Variants in CCND3 observed in about 807,000 individuals in gnomAD.
CCND3 encodes G1/S-specific cyclin-D3.
Under a neutral mutation model 28.7 loss-of-function variants are expected in CCND3, and 9 were observed. That is an observed-to-expected ratio of 0.31 (90% confidence interval 0.19 to 0.55). The LOEUF is 0.55. Among genes scored for constraint, CCND3 ranks in the 20% least tolerant of loss-of-function variants. The pLI is 0.93. For missense variants in CCND3, 315 were observed against 385.8 expected (o/e 0.82, Z 1.54); for synonymous variants, 164 against 163.9 (o/e 1.00, Z 0.00).
chr6:41,990,396 ACTAT>A (rs891704805), intron 1 of CCND3, among the ~76,000 whole-genome samples: 10 of 152,162 alleles, frequency 6.6e-5, no homozygotes, highest in African/African-American at 2.4e-4. Context: ...GATTCACTGT[ACTAT>A]CTATCAACAT....
At chr6:41,971,057 A>G (rs1762021515) in intron 1 of CCND3, among the ~76,000 whole-genome samples, 1 of 151,994 alleles carries the variant, frequency 6.6e-6, no homozygotes, top group Admixed American at 6.6e-5. Context: ...AGCTGGGATT[A>G]CAGGTGCATG....
At chr6:41,978,947 G>A (rs1052320657) in intron 1 of CCND3, among the ~76,000 whole-genome samples, 2 of 151,944 alleles carry the variant, frequency 1.3e-5, no homozygotes, top group Admixed American at 6.6e-5. Flanking sequence ...GGAGGTAGGC[G>A]GATTACCTGA....
Position 42,048,759 on chromosome 6 carries a change from G to C in CCND3, c.-304C>G, listed in dbSNP as rs2127444146. 2.1e-6 allele frequency: 1 copy of C among 473,202 alleles called. No homozygotes were observed. The highest frequency in any genetic ancestry group is 2.0e-5 in the African/African-American group (1 of 50,722). The allele number at this position is 473,202 out of a possible 1,614,324, so 29.3% of individuals were successfully genotyped here. The stretch of plus-strand genomic sequence containing the variant: ...GGGAAGAGGGGGCGGAGGAGACAAA[G>C]GGGCTGGTGCTCTGCTCAGCCAAGT... On this transcript the variant is annotated 5_prime_UTR_variant, in exon 1 of 5. Coordinates refer to the CCND3 transcript ENST00000372988. This position sits in a 1 kb window ranked among gnomAD's most constrained non-coding sequence, Gnocchi z 4.7.
At chr6:42,021,185 T>C (rs1167204197) in intron 1 of CCND3, among the ~76,000 whole-genome samples, 2 of 152,256 alleles carry the variant, frequency 1.3e-5, no homozygotes, top group Non-Finnish European at 2.9e-5. Context: ...TATTAGTCAT[T>C]GTGGTTAATC....
At chr6:42,033,106 T>A (rs557637371) in intron 1 of CCND3, among the ~76,000 whole-genome samples, 35 of 152,148 alleles carry the variant, frequency 2.3e-4, no homozygotes, top group Non-Finnish European at 4.7e-4. Context: ...TTTTAAAACA[T>A]CAAAAGTATA....
intron 1 of CCND3, among the ~76,000 whole-genome samples, chr6:41,982,969 A>G (rs1471425128): frequency 6.6e-6 from 1 of 152,186 alleles, no homozygotes; most frequent in Non-Finnish European, 1.5e-5. Flanking sequence ...ACCTAAATGT[A>G]AAATACAAAA....
At chr6:42,005,051 G>A (rs559992507) in intron 1 of CCND3, among the ~76,000 whole-genome samples, 86 of 152,246 alleles carry the variant, frequency 5.6e-4, no homozygotes, top group Non-Finnish European at 1.0e-3. Flanking sequence ...CTCAGTCAGC[G>A]AGGTTAGTAA....
At chr6:41,972,865 A>T (rs1196057704) in intron 1 of CCND3, among the ~76,000 whole-genome samples, 1 of 102,474 alleles carries the variant, frequency 9.8e-6, no homozygotes, top group Non-Finnish European at 1.7e-5. Context: ...AAAAATTTAC[A>T]TATATATATA....
intron 1 of CCND3, among the ~76,000 whole-genome samples, chr6:41,974,843 A>G (rs1294964105): frequency 7.7e-6 from 1 of 129,456 alleles, no homozygotes; most frequent in East Asian, 2.3e-4. Context: ...CCCAGGCTGG[A>G]GTACAATGGC....
chr6:42,037,624 T>C (rs1303625220), intron 1 of CCND3, among the ~76,000 whole-genome samples: 2 of 152,162 alleles, frequency 1.3e-5, no homozygotes, highest in Non-Finnish European at 2.9e-5. Flanking sequence ...TCATATCAAA[T>C]TTTTTATCAG....
Position 41,936,007 on chromosome 6 carries a change from C to G in CCND3, c.812G>C (p.Arg271Pro). The change falls in exon 5 of 5, where the codon CGG (arginine) becomes CCG (proline). Residue 271 changes from arginine to proline, a missense_variant. Transcript: ENST00000372991. The surrounding 1 kb of genome is among the most constrained non-coding windows in gnomAD (Gnocchi z 4.4). Reference sequence around the variant, plus strand: ...GCTGGGCCCTTGGCTGCTGGAGCCCCGGGGGGCTTTGGGCGCTGGGCTGGA... The same window carrying G: ...GCTGGGCCCTTGGCTGCTGGAGCCCGGGGGGGCTTTGGGCGCTGGGCTGGA... ...TSSSPAPKAP[R>P]GSSSQGPSQT... is the part of the protein sequence containing the mutation. 4 of 1,613,110 alleles carry G rather than the reference C, an allele frequency of 2.5e-6. No homozygotes were observed. Among genetic ancestry groups the G allele is most frequent in the South Asian group, 1.1e-5 (1 of 91,004 alleles).
rs114921610 is a variant in CCND3 at position 41,977,700 on chromosome 6, T to C, written c.-45-37115A>G. On this transcript the variant is annotated intron_variant, in intron 1 of 4. Coordinates refer to the CCND3 transcript ENST00000372988. ...TTTAAATGGAATGCATTTTCTTATATGAAAAATTCAGTGCATTATCTGGTG... is the reference window on the plus strand; with the variant it reads ...TTTAAATGGAATGCATTTTCTTATACGAAAAATTCAGTGCATTATCTGGTG... 7.7e-4 allele frequency among the ~76,000 whole-genome samples: 117 copies of C among 152,238 alleles called. 1 individual carries two copies. The highest frequency in any genetic ancestry group is 2.5e-3 in the African/African-American group (104 of 41,556).
At position 41,941,163 on chromosome 6, in the gene CCND3, T is replaced by G; in HGVS notation, c.198+289A>C. On this transcript the variant is annotated intron_variant, in intron 1 of 4. Transcript: ENST00000372991. The surrounding 1 kb of genome is among the most constrained non-coding windows in gnomAD (Gnocchi z 6.1). Reference sequence around the variant, plus strand: ...GGAGGCGGAGGGAAGCGGGAGACGCTGTGAGAAGCCGAAGGGGAGAGAGTG... The same window carrying G: ...GGAGGCGGAGGGAAGCGGGAGACGCGGTGAGAAGCCGAAGGGGAGAGAGTG... The G allele has an allele frequency of 6.2e-6, 9 of 1,457,308 alleles. No homozygotes were observed. The highest frequency in any genetic ancestry group is 2.8e-5 in the Admixed American group (1 of 36,210). 90.3% of individuals were successfully genotyped at this position (1,457,308 alleles called of 1,614,324 possible). A position where few individuals can be genotyped will look rare whatever the true frequency, so the allele number is the denominator to read the frequency against.
intron 1 of CCND3, among the ~76,000 whole-genome samples, chr6:42,009,845 A>T (rs1763289664): frequency 6.6e-6 from 1 of 152,090 alleles, no homozygotes; most frequent in South Asian, 2.1e-4. Flanking sequence ...GGGGAGCCCT[A>T]GAATAGTGAT....
chr6:41,983,247 G>A (rs773329480), intron 1 of CCND3, among the ~76,000 whole-genome samples: 4 of 151,820 alleles, frequency 2.6e-5, no homozygotes, highest in South Asian at 2.1e-4. Context: ...GCATGGTGGC[G>A]GGCGCCTGTA....
intron 1 of CCND3, among the ~76,000 whole-genome samples, chr6:41,965,767 G>A (rs1367895016): frequency 6.6e-6 from 1 of 152,102 alleles, no homozygotes; most frequent in Non-Finnish European, 1.5e-5. Flanking sequence ...CACCCCAAAG[G>A]ACACATTCTT....
intron 1 of CCND3, among the ~76,000 whole-genome samples, chr6:41,956,063 G>T (rs6458249): frequency 0.95 from 145,124 of 152,070 alleles, 69,605 homozygotes; most frequent in East Asian, 1. Flanking sequence ...GAAGGCGGAG[G>T]TGGGTGGATC....
intron 1 of CCND3, among the ~76,000 whole-genome samples, chr6:41,949,983 G>A (rs1278309603): frequency 6.7e-6 from 1 of 149,752 alleles, no homozygotes; most frequent in Non-Finnish European, 1.5e-5. Flanking sequence ...GGTGCCTGTA[G>A]TCCCAGCTAC....
At chr6:42,045,902 G>A (rs1764527935) in intron 1 of CCND3, among the ~76,000 whole-genome samples, 1 of 152,322 alleles carries the variant, frequency 6.6e-6, no homozygotes, top group South Asian at 2.1e-4. Flanking sequence ...GGGGCAGGGG[G>A]CCAGGGCGTG....
Sources: gnomAD v4.1 joint callset for allele counts (sites outside exome capture counted in the v4.1 genomes callset) on GRCh38, gnomAD v4.1.1 for gene constraint, Gnocchi (gnomAD v3.1) non-coding constraint, MANE v1.5 for transcripts, NCBI Gene and HGNC (gene_info 2026-07-23, HGNC 2026-07-21) for gene names.